GCN1: variants seen among roughly 807,000 people sequenced by gnomAD.
GCN1 encodes the protein stalled ribosome sensor GCN1.
Under a neutral mutation model 288.4 loss-of-function variants are expected in GCN1, and 90 were observed. That is an observed-to-expected ratio of 0.31 (90% CI 0.26 to 0.37). GCN1 has a LOEUF of 0.37. Ranked by LOEUF, GCN1 falls within the 10% of genes least tolerant of loss-of-function variation. The probability of loss-of-function intolerance (pLI) is 1.00; values close to 1 mark genes in which losing one functional copy is unlikely to be tolerated. For synonymous variants in GCN1, 1,386 were observed against 1,420.2 expected (o/e 0.98, Z 0.54); for missense variants, 2,586 against 3,419.9 (o/e 0.76, Z 6.08).
At chr12:120,149,467 A>T in intron 36 of GCN1, 139 bp downstream of exon 36, 1 of 632,702 alleles carries the variant, frequency 1.6e-6, no homozygotes, top group Non-Finnish European at 2.9e-6. Context: ...TCCATCTCAA[A>T]TTTTTAAAAA....
Position 120,151,360 on chromosome 12 carries a change from G to A in GCN1, c.4094C>T (p.Pro1365Leu). ...ATCCTCCTTGATGGCTGGCACAAGGGGTGGCAAGCAGCTGGCTACGGACTC... is the reference window on the plus strand; with the variant it reads ...ATCCTCCTTGATGGCTGGCACAAGGAGTGGCAAGCAGCTGGCTACGGACTC... The part of the protein sequence containing the change: ...VQESVASCLP[P>L]LVPAIKEDAG... The change falls in exon 34 of 58, where the codon CCC becomes CTC. Residue 1365 changes from proline to leucine, a missense_variant. Transcript: ENST00000300648. 2 of 1,613,730 alleles carry A rather than the reference G, an allele frequency of 1.2e-6. No homozygotes were observed. Among genetic ancestry groups the A allele is most frequent in the Non-Finnish European group, 1.7e-6 (2 of 1,179,832 alleles).
At chr12:120,141,115 A>C (rs1359933572) in intron 44 of GCN1, 92 bp from the exon 45 acceptor site, 4 of 1,052,210 alleles carry the variant, frequency 3.8e-6, no homozygotes, top group African/African-American at 3.2e-5. Context: ...GAAACCTCCC[A>C]GGCTTTATCT....
At chr12:120,190,166 A>C in intron 2 of GCN1, 132 bp downstream of exon 2, 2 of 594,978 alleles carry the variant, frequency 3.4e-6, no homozygotes, top group Admixed American at 3.0e-5. Flanking sequence ...TGGAGGTTGC[A>C]ATGAGCTGAG....
In GCN1 at chr12:120,178,615, T is replaced by C; in HGVS notation, c.660+10A>G. The C allele has an allele frequency of 6.2e-7, 1 of 1,614,168 alleles. No homozygotes were observed. Among genetic ancestry groups the C allele is most frequent in the Non-Finnish European group, 8.5e-7 (1 of 1,179,960 alleles). The stretch of plus-strand genomic sequence containing the variant: ...TAGCAAACCCACAGTCACTCTGCCT[T>C]GGCACTTGCCTTGTGCTGACTGACC... On this transcript the variant is annotated intron_variant, in intron 7 of 57. Coordinates refer to ENST00000300648, the MANE Select transcript of GCN1 (RefSeq NM_006836.2).
At chr12:120,128,915 C>T (rs1417924343) in intron 57 of GCN1, among the ~76,000 whole-genome samples, 1 of 145,290 alleles carries the variant, frequency 6.9e-6, no homozygotes, top group Non-Finnish European at 1.5e-5. Flanking sequence ...GATCTCAGCT[C>T]ACTGCAACCT....
chr12:120,152,917 C>G (rs987930239), intron 33 of GCN1, among the ~76,000 whole-genome samples: 2 of 151,666 alleles, frequency 1.3e-5, no homozygotes, highest in African/African-American at 4.9e-5. Flanking sequence ...TCTATTAGAA[C>G]AAAGTAACAA....
chr12:120,137,020 G>A lies in GCN1; in HGVS notation c.6777+186C>T, dbSNP rs1243536466. Among the ~76,000 whole-genome samples the A allele has an allele frequency of 6.6e-6, 1 of 152,128 alleles. No individual in the cohort carries two copies. Among genetic ancestry groups the A allele is most frequent in the African/African-American group, 2.4e-5 (1 of 41,418 alleles). On this transcript the variant is annotated intron_variant, in intron 50 of 57. Transcript: ENST00000300648. The surrounding 1 kb of genome is among the most constrained non-coding windows in gnomAD (Gnocchi z 5.2). ...GGTGACCTGCAGAGCTTAAACCAAAGGCAGCATGAACCCTGTCCCCATCTG... is the reference window on the plus strand; with the variant it reads ...GGTGACCTGCAGAGCTTAAACCAAAAGCAGCATGAACCCTGTCCCCATCTG...
rs892845979 is a variant in GCN1, at chr12:120,168,477, C to T, written c.1520-177G>A. ...AGTCCTTCTGGTATCACCTCCTGTA[C>T]GAAACTCTTCGGTGGCTCTCTGCTG... On this transcript the variant is annotated intron_variant, in intron 15 of 57. Coordinates refer to ENST00000300648, the MANE Select transcript of GCN1 (RefSeq NM_006836.2). The T allele has an allele frequency of 7.4e-5, 41 of 554,838 alleles. No individual in the cohort carries two copies. In the Admixed American group the frequency reaches 1.0e-3, roughly 14 times the overall value. The allele number at this position is 554,838 out of a possible 1,614,324, so 34.4% of individuals were successfully genotyped here. A position where few individuals can be genotyped will look rare whatever the true frequency, so the allele number is the denominator to read the frequency against.
At position 120,173,729 on chromosome 12, in the gene GCN1, T is replaced by C; in HGVS notation, c.1290A>G (p.Lys430=). Residue 430 remains lysine, a synonymous_variant, in exon 14 of 58, where the codon AAA becomes AAG. Coordinates refer to ENST00000300648, the MANE Select transcript of GCN1 (RefSeq NM_006836.2). ...EVPKKLTEWF[K]KAFSLKTSTS... Reference sequence around the variant, plus strand: ...TGGAGGTTTTAAGGCTGAAAGCTTTTTTGAACCATTCAGTGAGCTTCTTGG... The same window carrying C: ...TGGAGGTTTTAAGGCTGAAAGCTTTCTTGAACCATTCAGTGAGCTTCTTGG... 6.2e-7 allele frequency: 1 copy of C among 1,613,020 alleles called. No individual in the cohort carries two copies. Among genetic ancestry groups the C allele is most frequent in the South Asian group, 1.1e-5 (1 of 91,058 alleles).
intron 12 of GCN1, among the ~76,000 whole-genome samples, chr12:120,174,806 A>G (rs1457913249): frequency 6.7e-6 from 1 of 149,304 alleles, no homozygotes; most frequent in Non-Finnish European, 1.5e-5. Flanking sequence ...AAAAAAAAAA[A>G]AAAAGCTTAT....
In GCN1 at chr12:120,137,654, T is replaced by A. The variant is rs763110220; in HGVS notation, c.6554A>T (p.Asp2185Val). ...CAGGCTCCGCAGGTGGCTGGTGTAG[T>A]CAGCCTTTGAGCGGGAACAGTAGAT... ...LNIYCSRSKA[D>V]YTSHLRSLVS... The change falls in exon 49 of 58, where the codon GAC (aspartate) becomes GTC (valine). Residue 2185 changes from aspartate to valine, a missense_variant. Around this residue, in one of 8 missense-constraint regions of GCN1, gnomAD observed 437 missense variants for 570.5 expected, o/e 0.77. Transcript: ENST00000300648. The surrounding 1 kb of genome is among the most constrained non-coding windows in gnomAD (Gnocchi z 5.2). 2 of 1,614,072 alleles carry A rather than the reference T, an allele frequency of 1.2e-6. No homozygotes were observed. Among genetic ancestry groups the A allele is most frequent in the South Asian group, 2.2e-5 (2 of 91,080 alleles).
At chr12:120,182,106 G>A (rs563134886) in intron 5 of GCN1, among the ~76,000 whole-genome samples, 56 of 150,560 alleles carry the variant, frequency 3.7e-4, no homozygotes, top group East Asian at 1.6e-3. Context: ...CCGAGATTGC[G>A]CCACTGCATT....
intron 24 of GCN1, among the ~76,000 whole-genome samples, chr12:120,159,007 G>A (rs1877843393): frequency 6.8e-6 from 1 of 146,044 alleles, no homozygotes; most frequent in Non-Finnish European, 1.5e-5. Flanking sequence ...GTAAGACTCC[G>A]TCTCAAAAAA....
Position 120,149,984 on chromosome 12 carries a change from C to T in GCN1, c.4369G>A (p.Val1457Met). Residue 1457 changes from valine (V) to methionine (M), a missense_variant, in exon 35 of 58, where the codon GTG (valine) becomes ATG (methionine). Physicochemically the swap from Val to Met is conservative, Grantham distance 21. This residue lies in a region of GCN1 where 371 missense variants were observed against 572.6 expected (regional missense o/e 0.65). Coordinates refer to ENST00000300648, the MANE Select transcript of GCN1 (RefSeq NM_006836.2). ...AGCAGATGGGGCAGCACGTGAACCA[C>T]ATACGGCTCAAAAAGTTTCCCCAGC... ...TMLGKLFEPY[V>M]VHVLPHLLLC... 1 of 1,614,108 alleles carries T rather than the reference C, an allele frequency of 6.2e-7. No individual in the cohort carries two copies. The highest frequency in any genetic ancestry group is 8.5e-7 in the Non-Finnish European group (1 of 1,179,962).
Position 120,137,767 on chromosome 12 carries a change from T to C in GCN1, c.6441A>G (p.Thr2147=). 1.9e-6 allele frequency: 3 copies of C among 1,613,920 alleles called. No individual in the cohort carries two copies. Among genetic ancestry groups the C allele is most frequent in the Non-Finnish European group, 2.5e-6 (3 of 1,179,842 alleles). The part of the protein sequence containing the change: ...QAVILSVEDD[T]GHRIIIEDLL... Reference sequence around the variant, plus strand: ...GATCCTCGATGATGATCCGGTGCCCTGTGTCATCCTCTACGGAGAGGATCA... The same window carrying C: ...GATCCTCGATGATGATCCGGTGCCCCGTGTCATCCTCTACGGAGAGGATCA... Residue 2147 remains threonine (T), a synonymous_variant, in exon 49 of 58, where the codon ACA becomes ACG. Transcript: ENST00000300648. The surrounding 1 kb of genome is among the most constrained non-coding windows in gnomAD (Gnocchi z 5.2).
At chr12:120,145,536 AG>A (rs1210028341) in intron 38 of GCN1, among the ~76,000 whole-genome samples, 1 of 152,186 alleles carries the variant, frequency 6.6e-6, no homozygotes, top group Non-Finnish European at 1.5e-5. Flanking sequence ...GCAATTGCTC[AG>A]GGACTCCTAC....
chr12:120,171,818 T>C (rs1180282603), intron 14 of GCN1, among the ~76,000 whole-genome samples: 1 of 152,210 alleles, frequency 6.6e-6, no homozygotes, highest in Non-Finnish European at 1.5e-5. Flanking sequence ...CCATCTACAA[T>C]TCAAAGTCCC....
In GCN1 at chr12:120,157,922, T is replaced by C. The variant is rs1020793095; in HGVS notation, c.3014A>G (p.Gln1005Arg). The C allele has an allele frequency of 1.2e-6, 2 of 1,614,034 alleles. No homozygotes were observed. The highest frequency in any genetic ancestry group is 1.7e-6 in the Non-Finnish European group (2 of 1,180,030). ...TTGGACAGTGAGGATCTGAAGAATCTGGGCCATCCACTCCTCCTCCTCCTC... is the reference window on the plus strand; with the variant it reads ...TTGGACAGTGAGGATCTGAAGAATCCGGGCCATCCACTCCTCCTCCTCCTC... ...HSEEEEEWMA[Q>R]ILQILTVQAQ... is the part of the protein sequence containing the mutation. The change falls in exon 26 of 58, where the codon CAG (glutamine) becomes CGG (arginine). Residue 1005 changes from glutamine (Q) to arginine (R), a missense_variant. This residue lies in a region of GCN1 where 153 missense variants were observed against 252.0 expected (regional missense o/e 0.61). Coordinates refer to ENST00000300648, the MANE Select transcript of GCN1 (RefSeq NM_006836.2).
chr12:120,186,941 A>G (rs996746060), intron 2 of GCN1, among the ~76,000 whole-genome samples: 8 of 152,224 alleles, frequency 5.3e-5, no homozygotes, highest in Admixed American at 1.3e-4. Context: ...TGTGACTGGA[A>G]AGATCGGTAT....
Sources: gnomAD v4.1 joint callset for allele counts (sites outside exome capture counted in the v4.1 genomes callset) on GRCh38, gnomAD v4.1.1 for gene constraint, gnomAD v4.1.1 regional missense constraint, Gnocchi (gnomAD v3.1) non-coding constraint, MANE v1.5 for transcripts, NCBI Gene and HGNC (gene_info 2026-07-23, HGNC 2026-07-21) for gene names.